ABCC11: variants seen among roughly 807,000 people sequenced by gnomAD.
ABCC11 encodes the protein ATP-binding cassette sub-family C member 11.
Under a neutral mutation model 149.3 loss-of-function variants are expected in ABCC11, and 135 were observed. That is an observed-to-expected ratio of 0.90 (90% CI 0.79 to 1.04). The LOEUF (loss-of-function observed/expected upper bound fraction) is 1.04, where lower values mean the gene tolerates loss of function less well. ABCC11 is among the 50% of genes least tolerant of loss of function. The pLI is 0.00. For synonymous variants in ABCC11, 665 were observed against 671.4 expected, an observed-to-expected ratio of 0.99 and a Z score of 0.15; for missense variants, 1,680 against 1,722.1, an observed-to-expected ratio of 0.98 and a Z score of 0.43.
intron 24 of ABCC11, among the ~76,000 whole-genome samples, chr16:48,177,438 CG>C (rs1303666807): frequency 6.6e-6 from 1 of 152,204 alleles, no homozygotes. Flanking sequence ...CTCCCCCCTT[CG>C]GGGGGGTTCA....
At chr16:48,191,657 A>G (rs992848588) in intron 20 of ABCC11, among the ~76,000 whole-genome samples, 1 of 152,234 alleles carries the variant, frequency 6.6e-6, no homozygotes, top group Non-Finnish European at 1.5e-5. Flanking sequence ...ATACATGTGC[A>G]TTTATCTTTA....
At chr16:48,228,997 G>A (rs1970259569) in intron 3 of ABCC11, among the ~76,000 whole-genome samples, 1 of 151,946 alleles carries the variant, frequency 6.6e-6, no homozygotes, top group South Asian at 2.1e-4. Context: ...ATGGGAAGAT[G>A]AAAATGCCGA....
intron 1 of ABCC11, among the ~76,000 whole-genome samples, chr16:48,236,518 C>T (rs9926206): frequency 0.12 from 17,692 of 152,164 alleles, 1,204 homozygotes; most frequent in African/African-American, 0.19. Context: ...AACCAGGGAC[C>T]TTGTCTGTCA....
intron 18 of ABCC11, among the ~76,000 whole-genome samples, chr16:48,194,661 G>C (rs373686964): frequency 2.6e-5 from 4 of 152,176 alleles, no homozygotes; most frequent in African/African-American, 9.7e-5. Context: ...AGGCTTCAGA[G>C]AGCTGCCTTC....
At chr16:48,221,685 C>T (rs1409394328) in intron 6 of ABCC11, among the ~76,000 whole-genome samples, 1 of 152,136 alleles carries the variant, frequency 6.6e-6, no homozygotes, top group Non-Finnish European at 1.5e-5. Flanking sequence ...GGGGCCTATC[C>T]CCAGGGTCTA....
chr16:48,187,463 G>C, intron 20 of ABCC11, 36 bp from the exon 21 acceptor site: 2 of 1,538,386 alleles, frequency 1.3e-6, no homozygotes, highest in South Asian at 2.3e-5. Context: ...CATGAGAGAA[G>C]CTGCAGGCCC....
rs772436568 is a variant in ABCC11 at position 48,198,087 on chromosome 16, C to T, written c.2218-20G>A. The T allele has an allele frequency of 6.2e-7, 1 of 1,614,108 alleles. No individual in the cohort carries two copies. On this transcript the variant is annotated intron_variant, in intron 16 of 29. Transcript: ENST00000356608. ...CATGTCCTGGGGAGAGAGCACAGGC[C>T]CTGAGTACACGTGCGTCCACCGTGG... is the stretch of plus-strand genomic sequence containing the variant.
chr16:48,232,019 G>C lies in ABCC11; in HGVS notation c.-18-80C>G. 5 of 1,588,282 alleles carry C rather than the reference G, an allele frequency of 3.1e-6. No individual in the cohort carries two copies. In the South Asian group the frequency reaches 3.4e-5, roughly 11 times the overall value. ...TAGATCTCGCCTTGAGCAGCCAGAA[G>C]AGGGGGCACTACCCTGCAGGGAGCA... is the stretch of plus-strand genomic sequence containing the variant. On this transcript the variant is annotated intron_variant, in intron 1 of 29. Transcript: ENST00000356608.
intron 6 of ABCC11, among the ~76,000 whole-genome samples, chr16:48,222,267 G>A (rs1268868644): frequency 2.0e-5 from 3 of 151,460 alleles, no homozygotes; most frequent in East Asian, 1.9e-4. Context: ...TGGTAGAGAC[G>A]GAGTCTTTCC....
At chr16:48,225,652 A>G (rs964456088) in intron 4 of ABCC11, among the ~76,000 whole-genome samples, 4 of 152,198 alleles carry the variant, frequency 2.6e-5, no homozygotes, top group Non-Finnish European at 5.9e-5. Flanking sequence ...GTCGCCTCAC[A>G]TCAGGAACCA....
chr16:48,185,928 AC>A lies in ABCC11; in HGVS notation c.3071+1024del, dbSNP rs1009834732. ...TGTCCCCTCTGCCTGGAGAGCTCCT[AC>A]CCACATATTTCCATAGCTCAACCCA... On this transcript the variant is annotated intron_variant, in intron 22 of 29. Transcript: ENST00000356608. Among the ~76,000 whole-genome samples the A allele has an allele frequency of 6.2e-4, 95 of 152,156 alleles. 2 individuals are homozygous for A. Among genetic ancestry groups the A allele is most frequent in the Non-Finnish European group, 1.9e-4 (13 of 67,998 alleles).
rs372330856 is a variant in ABCC11 at position 48,201,727 on chromosome 16, G to T, written c.1879-1248C>A. 4.6e-5 allele frequency among the ~76,000 whole-genome samples: 7 copies of T among 152,288 alleles called. No homozygotes were observed. In the East Asian group the frequency reaches 1.4e-3, roughly 29 times the overall value. On this transcript the variant is annotated intron_variant, in intron 14 of 29. Coordinates refer to ENST00000356608, the MANE Select transcript of ABCC11 (RefSeq NM_001370497.1). ...CACTCAACAGACCAGAGCTACAATG[G>T]CTGCAAGGAGCTTTACTGACGCTGG...
chr16:48,223,612 C>CA (rs1438051839), intron 5 of ABCC11: 1 of 152,758 alleles, frequency 6.5e-6, no homozygotes, highest in East Asian at 1.9e-4. Context: ...GGAAGACTCC[C>CA]ACCTCCCCCA....
chr16:48,225,875 A>C (rs1408256814), intron 4 of ABCC11, among the ~76,000 whole-genome samples: 2 of 152,198 alleles, frequency 1.3e-5, no homozygotes, highest in Non-Finnish European at 2.9e-5. Flanking sequence ...ATCTTTAAAC[A>C]AAAAACAAAA....
intron 25 of ABCC11, 27 bp from the exon 26 acceptor site, chr16:48,175,444 T>A: frequency 1.3e-6 from 2 of 1,591,808 alleles, no homozygotes; most frequent in Non-Finnish European, 1.7e-6. Context: ...AAGCGGGGCC[T>A]CAGTTTCCTG....
In ABCC11 at chr16:48,224,287, C is replaced by T. The variant is rs17822931; in HGVS notation, c.538G>A (p.Gly180Arg). The T allele has an allele frequency of 0.17, 267,125 of 1,613,704 alleles. 38,952 individuals are homozygous for T. The highest frequency in any genetic ancestry group is 0.87 in the East Asian group (39,070 of 44,864). ...GICFCIASVLGPILIIPKILE... is the reference protein window; with the variant it reads ...GICFCIASVLRPILIIPKILE... ...TCACCAAGTCTGCCACTTACTGGCC[C>T]GAGTACACTGGCAATGCAGAAGCAG... The change falls in exon 5 of 30, where the codon GGG becomes AGG. Residue 180 changes from glycine (G) to arginine (R), a missense_variant. By Grantham distance (125) the Gly-to-Arg change is moderately radical. Transcript: ENST00000356608.
intron 1 of ABCC11, among the ~76,000 whole-genome samples, chr16:48,242,111 C>G (rs576343434): frequency 1.8e-4 from 28 of 152,250 alleles, no homozygotes; most frequent in Non-Finnish European, 3.4e-4. Context: ...AACAGGCAAC[C>G]TACAGAATGG....
At chr16:48,178,811 T>C in intron 23 of ABCC11, 125 bp from the exon 24 acceptor site, 1 of 826,448 alleles carries the variant, frequency 1.2e-6, no homozygotes, top group South Asian at 1.6e-5. Flanking sequence ...ATAATTTTCC[T>C]AGCAAGAATG....
chr16:48,186,676 T>G (rs1395052064), intron 22 of ABCC11, among the ~76,000 whole-genome samples: 2 of 152,246 alleles, frequency 1.3e-5, no homozygotes, highest in Non-Finnish European at 2.9e-5. Flanking sequence ...TAATGCACCT[T>G]ATCATTAAAT....
Sources: gnomAD v4.1 joint callset for allele counts (sites outside exome capture counted in the v4.1 genomes callset) on GRCh38, gnomAD v4.1.1 for gene constraint, MANE v1.5 for transcripts, NCBI Gene and HGNC (gene_info 2026-07-23, HGNC 2026-07-21) for gene names.